The following SMYD3 variants were observed in gnomAD, a reference collection of about 807,000 sequenced individuals.
The protein encoded by SMYD3 is SET and MYND domain containing 3.
SMYD3 carries 36 observed loss-of-function variants against 57.7 expected under a neutral mutation model. The observed-to-expected ratio is 0.62, with a 90% CI of 0.48 to 0.82. The LOEUF (loss-of-function observed/expected upper bound fraction) is 0.82, where lower values mean the gene tolerates loss of function less well. Ranked by LOEUF, SMYD3 falls within the 40% of genes least tolerant of loss-of-function variation. The pLI is 0.00. For synonymous variants in SMYD3, 211 were observed against 195.0 expected, an observed-to-expected ratio of 1.08 and a Z score of -0.68; for missense variants, 515 against 538.8, an observed-to-expected ratio of 0.96 and a Z score of 0.44.
intron 5 of SMYD3, among the ~76,000 whole-genome samples, chr1:245,945,020 A>T (rs1005619738): frequency 6.6e-6 from 1 of 152,230 alleles, no homozygotes; most frequent in Non-Finnish European, 1.5e-5. Flanking sequence ...ATAAAACATA[A>T]AACTATAAAA....
intron 5 of SMYD3, among the ~76,000 whole-genome samples, chr1:246,247,399 G>A (rs1042287345): frequency 6.9e-5 from 10 of 145,146 alleles, no homozygotes; most frequent in Non-Finnish European, 1.5e-4. Context: ...AGACTACCAG[G>A]ACAGATTTTG....
chr1:246,156,737 C>A (rs1041492906), intron 5 of SMYD3, among the ~76,000 whole-genome samples: 1 of 152,138 alleles, frequency 6.6e-6, no homozygotes, highest in Non-Finnish European at 1.5e-5. Context: ...AAAACGGGCA[C>A]CTTAATCAGA....
At chr1:245,942,231 C>T (rs951836187) in intron 5 of SMYD3, among the ~76,000 whole-genome samples, 3 of 152,154 alleles carry the variant, frequency 2.0e-5, no homozygotes, top group African/African-American at 2.4e-5. Context: ...GTTTAAGACA[C>T]CCATCTCACG....
intron 5 of SMYD3, among the ~76,000 whole-genome samples, chr1:246,073,181 T>C (rs1404580830): frequency 6.6e-6 from 1 of 152,186 alleles, no homozygotes; most frequent in African/African-American, 2.4e-5. Flanking sequence ...ATAGCTATAA[T>C]AGCTGAGTGA....
chr1:245,927,462 T>A (rs1315267056), intron 7 of SMYD3, among the ~76,000 whole-genome samples: 1 of 152,212 alleles, frequency 6.6e-6, no homozygotes, highest in African/African-American at 2.4e-5. Context: ...AGCTGTTTGC[T>A]TTACTAGCAC....
At chr1:246,242,352 A>G (rs1246125773) in intron 5 of SMYD3, among the ~76,000 whole-genome samples, 8 of 152,316 alleles carry the variant, frequency 5.3e-5, no homozygotes, top group Admixed American at 2.6e-4. Flanking sequence ...TTATGTACCC[A>G]GTAGTCATTC....
At chr1:246,206,224 A>C (rs1414885390) in intron 5 of SMYD3, among the ~76,000 whole-genome samples, 2 of 152,090 alleles carry the variant, frequency 1.3e-5, no homozygotes, top group East Asian at 3.8e-4. Context: ...AAAAAAGAAA[A>C]ACAAATTAAT....
chr1:246,216,705 A>C (rs2063170012), intron 5 of SMYD3, among the ~76,000 whole-genome samples: 1 of 152,188 alleles, frequency 6.6e-6, no homozygotes, highest in African/African-American at 2.4e-5. Flanking sequence ...AGTTGTATTT[A>C]AAAAGAGAAC....
intron 5 of SMYD3, among the ~76,000 whole-genome samples, chr1:246,313,996 T>C (rs1572368925): frequency 6.6e-6 from 1 of 152,332 alleles, no homozygotes. Flanking sequence ...CTTAACTCCA[T>C]GCAAATTCCA....
chr1:246,357,770 T>C (rs534273738), intron 1 of SMYD3, among the ~76,000 whole-genome samples: 13 of 152,270 alleles, frequency 8.5e-5, no homozygotes, highest in African/African-American at 2.9e-4. Context: ...CTGAGAGAAT[T>C]CGCCACTACC....
chr1:245,986,198 T>G (rs1298782574), intron 5 of SMYD3, among the ~76,000 whole-genome samples: 1 of 83,368 alleles, frequency 1.2e-5, no homozygotes, highest in East Asian at 3.7e-4. Context: ...TTACTTCATT[T>G]CTTCAAGGAA....
chr1:245,999,238 T>A (rs1220563635), intron 5 of SMYD3, among the ~76,000 whole-genome samples: 2 of 149,860 alleles, frequency 1.3e-5, no homozygotes, highest in East Asian at 2.0e-4. Context: ...AAAAAAAAAA[T>A]AAGAGCTTAA....
Position 246,202,002 on chromosome 1 carries a change from C to G in SMYD3, c.531+125199G>C, listed in dbSNP as rs2148365935. ...CACTCCAGCCTGGGCAACAGAGACT[C>G]TGTCTCAATTTAAAAAAAAAAAACA... On this transcript the variant is annotated intron_variant, in intron 5 of 11. Transcript: ENST00000490107. The surrounding 1 kb of genome is among the most constrained non-coding windows in gnomAD (Gnocchi z 4.1). 6.7e-6 allele frequency among the ~76,000 whole-genome samples: 1 copy of G among 148,830 alleles called. No homozygotes were observed. Among genetic ancestry groups the G allele is most frequent in the East Asian group, 2.0e-4 (1 of 5,074 alleles).
intron 1 of SMYD3, among the ~76,000 whole-genome samples, chr1:246,399,625 G>C (rs186043635): frequency 6.6e-6 from 1 of 152,124 alleles, no homozygotes; most frequent in African/African-American, 2.4e-5. Flanking sequence ...GACTACAGGC[G>C]TGAGCTACCA....
At chr1:245,791,771 C>G (rs964956509) in intron 10 of SMYD3, among the ~76,000 whole-genome samples, 12 of 152,200 alleles carry the variant, frequency 7.9e-5, no homozygotes, top group African/African-American at 2.9e-4. Flanking sequence ...TTGGAAGCCA[C>G]TGAAAACCTC....
intron 10 of SMYD3, among the ~76,000 whole-genome samples, chr1:245,802,466 C>T (rs1424895918): frequency 2.6e-5 from 4 of 152,154 alleles, no homozygotes; most frequent in Non-Finnish European, 5.9e-5. Context: ...TCATTTTATT[C>T]AACTTAATCT....
intron 5 of SMYD3, among the ~76,000 whole-genome samples, chr1:245,943,279 G>A (rs2057320322): frequency 1.5e-5 from 2 of 135,964 alleles, no homozygotes; most frequent in African/African-American, 5.6e-5. Context: ...GAATCAAACA[G>A]ACACAATGAA....
intron 5 of SMYD3, among the ~76,000 whole-genome samples, chr1:246,250,381 C>G (rs2063780437): frequency 1.3e-5 from 2 of 152,168 alleles, no homozygotes; most frequent in Admixed American, 1.3e-4. Flanking sequence ...ATATTTTTCA[C>G]ATAAACTAGG....
At chr1:246,139,663 T>C (rs969455094) in intron 5 of SMYD3, among the ~76,000 whole-genome samples, 6 of 152,228 alleles carry the variant, frequency 3.9e-5, no homozygotes, top group African/African-American at 4.8e-5. Context: ...AAATTAAAAA[T>C]TGTTGATATG....
Sources: allele counts gnomAD v4.1 joint callset (sites outside exome capture counted in the v4.1 genomes callset), GRCh38; gene constraint gnomAD v4.1.1; non-coding constraint Gnocchi (gnomAD v3.1); transcripts MANE v1.5; gene names NCBI Gene and HGNC (gene_info 2026-07-23, HGNC 2026-07-21).